The following ANO1 variants were observed in gnomAD, a reference collection of about 807,000 sequenced individuals.
ANO1 encodes anoctamin 1, also known as anoctamin-1.
ANO1 carries 59 observed loss-of-function variants against 124.0 expected under a neutral mutation model. The observed-to-expected ratio is 0.48, with a 90% CI of 0.39 to 0.59. ANO1 has a LOEUF of 0.59. ANO1 is among the 20% of genes least tolerant of loss of function. The pLI is 0.00. For synonymous variants in ANO1, 529 were observed against 532.0 expected (o/e 0.99, Z 0.08); for missense variants, 1,059 against 1,328.0 (o/e 0.80, Z 3.15).
At chr11:70,175,169 C>T (rs373882539) in intron 22 of ANO1, among the ~76,000 whole-genome samples, 1 of 152,216 alleles carries the variant, frequency 6.6e-6, no homozygotes, top group Admixed American at 6.5e-5. Flanking sequence ...TCCCGCAGTC[C>T]CTCTGCAGGC....
intron 1 of ANO1, among the ~76,000 whole-genome samples, chr11:70,086,489 C>A (rs1331473671): frequency 6.6e-6 from 1 of 152,234 alleles, no homozygotes; most frequent in African/African-American, 2.4e-5. Context: ...ACCCCGCCCC[C>A]TTGGTCACCC....
At chr11:70,120,068 T>A (rs1178915263) in intron 8 of ANO1, among the ~76,000 whole-genome samples, 1 of 152,090 alleles carries the variant, frequency 6.6e-6, no homozygotes, top group East Asian at 1.9e-4. Context: ...GCTTCTCCAT[T>A]ATTGTTCTAA....
At chr11:69,983,369 T>C (rs1365739708), upstream of ANO1, among the ~76,000 whole-genome samples, 1 of 152,222 alleles carries the variant, frequency 6.6e-6, no homozygotes, top group Non-Finnish European at 1.5e-5. Flanking sequence ...CATTTTTCTG[T>C]AATTACAAGC....
At chr11:70,112,687 A>G (rs945669824) in intron 7 of ANO1, among the ~76,000 whole-genome samples, 2 of 151,370 alleles carry the variant, frequency 1.3e-5, no homozygotes, top group African/African-American at 4.9e-5. Flanking sequence ...CCTCCCAAGT[A>G]GCTGGGACTT....
At chr11:70,030,211 G>T (rs1211470022) in intron 1 of ANO1, among the ~76,000 whole-genome samples, 1 of 152,232 alleles carries the variant, frequency 6.6e-6, no homozygotes, top group Non-Finnish European at 1.5e-5. Flanking sequence ...CTGCAGCCCA[G>T]GCTTATTGCT....
At chr11:70,161,839 A>G in intron 18 of ANO1, 106 bp downstream of exon 18, 1 of 1,067,342 alleles carries the variant, frequency 9.4e-7, no homozygotes, top group Non-Finnish European at 1.4e-6. Context: ...CAGGGCAGAC[A>G]CCGTGGCACC....
chr11:70,154,592 G>A (rs906055161), intron 14 of ANO1, among the ~76,000 whole-genome samples: 74 of 148,400 alleles, frequency 5.0e-4, no homozygotes, highest in Admixed American at 2.7e-3. Context: ...TCAGCCTTCC[G>A]AGTAGCTGGG....
chr11:70,184,667 C>A (rs974810659), intron 24 of ANO1, among the ~76,000 whole-genome samples: 1 of 152,232 alleles, frequency 6.6e-6, no homozygotes, highest in Non-Finnish European at 1.5e-5. Context: ...TAGCTTCGTT[C>A]TTTCGCAAAT....
rs560705757 is a variant in ANO1, at chr11:70,158,223, C to T, written c.1578+1202C>T. The stretch of plus-strand genomic sequence containing the variant: ...TTTTAGGGGATTTCAATCCCAGGGA[C>T]TTCAACCCCCAATGGATTCGGCCTT... On this transcript the variant is annotated intron_variant, in intron 16 of 25. Transcript: ENST00000355303. Among the ~76,000 whole-genome samples, 8 of 152,366 alleles carry T rather than the reference C, an allele frequency of 5.3e-5. No individual in the cohort carries two copies. The East Asian group carries it at 1.5e-3, about 29-fold the overall frequency.
chr11:70,122,246 G>C lies in ANO1; in HGVS notation c.898-2104G>C, dbSNP rs1350172571. Among the ~76,000 whole-genome samples, 3 of 27,954 alleles carry C rather than the reference G, an allele frequency of 1.1e-4. 1 individual carries two copies. Among genetic ancestry groups the C allele is most frequent in the Non-Finnish European group, 1.5e-4 (2 of 13,544 alleles). 18.3% of individuals were successfully genotyped at this position (27,954 alleles called of 152,430 possible). A position where few individuals can be genotyped will look rare whatever the true frequency, so the allele number is the denominator to read the frequency against. On this transcript the variant is annotated intron_variant, in intron 8 of 25. Transcript: ENST00000355303. Reference sequence around the variant, plus strand: ...CTCTCTCCATCTCCCCCACCTCTCTGTCTGTCTCTATCTCTGTCTCTCCAT... The same window carrying C: ...CTCTCTCCATCTCCCCCACCTCTCTCTCTGTCTCTATCTCTGTCTCTCCAT...
At chr11:70,093,925 CCAG>C (rs1389583636) in intron 2 of ANO1, among the ~76,000 whole-genome samples, 34 of 152,370 alleles carry the variant, frequency 2.2e-4, no homozygotes, top group Admixed American at 2.0e-3. Context: ...GGATGTGGAC[CCAG>C]CTCAAACTTC....
chr11:70,156,016 C>A (rs757669378), intron 15 of ANO1, 28 bp downstream of exon 15: 3 of 1,474,088 alleles, frequency 2.0e-6, no homozygotes, highest in South Asian at 2.7e-5. Flanking sequence ...GGGCAGCGCG[C>A]GTCTTGACTG....
chr11:70,185,527 A>G (rs2135860023), intron 24 of ANO1, 63 bp from the exon 25 acceptor site: 1 of 1,501,188 alleles, frequency 6.7e-7, no homozygotes, highest in Non-Finnish European at 9.2e-7. Flanking sequence ...GAGCTGCCTG[A>G]CTCCAGCCAG....
At chr11:69,981,260 C>T (rs1855957446), upstream of ANO1, among the ~76,000 whole-genome samples, 2 of 152,134 alleles carry the variant, frequency 1.3e-5, no homozygotes, top group African/African-American at 4.8e-5. Context: ...ATGTGCAAGC[C>T]CCACTCTCCC....
chr11:70,132,531 T>G (rs1266002373), intron 11 of ANO1, among the ~76,000 whole-genome samples: 1 of 152,150 alleles, frequency 6.6e-6, no homozygotes, highest in Non-Finnish European at 1.5e-5. Flanking sequence ...TGTGCCCATT[T>G]TCGGATAAGG....
At chr11:70,068,806 C>G (rs1857796647) in intron 1 of ANO1, among the ~76,000 whole-genome samples, 1 of 152,164 alleles carries the variant, frequency 6.6e-6, no homozygotes, top group Non-Finnish European at 1.5e-5. Flanking sequence ...CAGTGGTCAT[C>G]TAAGGGAAAA....
At chr11:69,982,031 G>C (rs1232366759), upstream of ANO1, among the ~76,000 whole-genome samples, 11 of 152,240 alleles carry the variant, frequency 7.2e-5, no homozygotes, top group East Asian at 5.8e-4. Flanking sequence ...ACTGGGGGAG[G>C]GGGGAGATGG....
chr11:70,099,931 A>T (rs2045192969), intron 2 of ANO1, among the ~76,000 whole-genome samples: 1 of 152,156 alleles, frequency 6.6e-6, no homozygotes. Context: ...AGGGCCACAG[A>T]AGGATCTGGG....
chr11:69,977,156 G>C, the ANO1 span, among the ~76,000 whole-genome samples: 3 of 152,142 alleles, frequency 2.0e-5, no homozygotes, highest in Non-Finnish European at 4.4e-5. Flanking sequence ...ATTAAAAGAG[G>C]GGGGGACAGG....
Sources: allele counts gnomAD v4.1 joint callset (sites outside exome capture counted in the v4.1 genomes callset), GRCh38; gene constraint gnomAD v4.1.1; transcripts MANE v1.5; gene names NCBI Gene and HGNC (gene_info 2026-07-23, HGNC 2026-07-21).